The following SEC23B variants were observed in gnomAD, a reference collection of about 807,000 sequenced individuals.
The protein encoded by SEC23B is SEC23 homolog B, COPII component.
SEC23B carries 77 observed loss-of-function variants against 104.3 expected under a neutral mutation model. That is an observed-to-expected ratio of 0.74 (90% CI 0.61 to 0.89). SEC23B has a LOEUF of 0.89. SEC23B is among the 40% of genes least tolerant of loss of function. SEC23B has a pLI of 0.00. For missense variants in SEC23B, 885 were observed against 949.4 expected, an observed-to-expected ratio of 0.93 and a Z score of 0.89; for synonymous variants, 338 against 332.5, an observed-to-expected ratio of 1.02 and a Z score of -0.18.
At chr20:18,546,613 A>T (rs909734499) in intron 15 of SEC23B, among the ~76,000 whole-genome samples, 3 of 152,204 alleles carry the variant, frequency 2.0e-5, no homozygotes, top group Admixed American at 2.0e-4. Context: ...GTCTATAAGG[A>T]TTACAGGAGC....
chr20:18,515,191 T>G (rs1170000422), intron 3 of SEC23B, among the ~76,000 whole-genome samples: 1 of 152,208 alleles, frequency 6.6e-6, no homozygotes, highest in Non-Finnish European at 1.5e-5. Flanking sequence ...AAAAATATTT[T>G]TTAAGAGGAC....
At chr20:18,542,193 C>T in intron 12 of SEC23B, 103 bp from the exon 13 acceptor site, 1 of 980,432 alleles carries the variant, frequency 1.0e-6, no homozygotes, top group Non-Finnish European at 1.6e-6. Context: ...CAAGAACCTT[C>T]CTGTCATTGC....
At chr20:18,520,330 G>A (rs749153510) in intron 4 of SEC23B, among the ~76,000 whole-genome samples, 24 of 152,294 alleles carry the variant, frequency 1.6e-4, no homozygotes, top group African/African-American at 5.3e-4. Flanking sequence ...AAAGCATGCC[G>A]TGGGATGGGA....
chr20:18,510,449 C>A (rs774762604), intron 1 of SEC23B, among the ~76,000 whole-genome samples: 2 of 152,222 alleles, frequency 1.3e-5, no homozygotes, highest in Non-Finnish European at 2.9e-5. Flanking sequence ...GCAACAGGTT[C>A]TTCCCAAGTA....
intron 3 of SEC23B, among the ~76,000 whole-genome samples, chr20:18,512,564 G>T (rs1186321660): frequency 6.6e-6 from 1 of 152,174 alleles, no homozygotes; most frequent in Non-Finnish European, 1.5e-5. Context: ...GTGACCCAAA[G>T]AAAGCACCTG....
chr20:18,545,872 G>T, intron 14 of SEC23B, 84 bp from the exon 15 acceptor site: 1 of 834,156 alleles, frequency 1.2e-6, no homozygotes, highest in South Asian at 1.3e-5. Flanking sequence ...CTTAGTCCAG[G>T]AATATTTCCA....
At chr20:18,525,595 G>A (rs898537608) in intron 6 of SEC23B, among the ~76,000 whole-genome samples, 193 bp from the exon 7 acceptor site, 1 of 151,984 alleles carries the variant, frequency 6.6e-6, no homozygotes, top group Non-Finnish European at 1.5e-5. Flanking sequence ...GCTAAGTACT[G>A]GGCTTTATAT....
intron 12 of SEC23B, 52 bp from the exon 13 acceptor site, chr20:18,542,244 C>T (rs1016508895): frequency 9.5e-6 from 14 of 1,468,952 alleles, no homozygotes; most frequent in Admixed American, 1.7e-5. Flanking sequence ...GCTCTGTGAC[C>T]GTGTTTGAGT....
chr20:18,509,506 A>G (rs1279123912), intron 1 of SEC23B: 1 of 152,216 alleles, frequency 6.6e-6, no homozygotes, highest in Non-Finnish European at 1.5e-5. Flanking sequence ...AGATTTTAGG[A>G]TATGAACAGG....
intron 17 of SEC23B, among the ~76,000 whole-genome samples, chr20:18,552,896 G>A (rs1174511528): frequency 1.3e-5 from 2 of 152,144 alleles, no homozygotes; most frequent in Non-Finnish European, 2.9e-5. Flanking sequence ...ATCTAAAGAT[G>A]ATTTAAAGTG....
At chr20:18,524,862 A>G in intron 5 of SEC23B, 73 bp from the exon 6 acceptor site, 1 of 1,516,450 alleles carries the variant, frequency 6.6e-7, no homozygotes, top group Non-Finnish European at 9.1e-7. Flanking sequence ...CCAGCTGAGG[A>G]CATTTCTTAA....
At chr20:18,509,748 T>G (rs531509403) in intron 1 of SEC23B, 1 of 152,300 alleles carries the variant, frequency 6.6e-6, no homozygotes, top group Non-Finnish European at 1.5e-5. Context: ...CCACCACACC[T>G]GGCTAATTTT....
intron 17 of SEC23B, among the ~76,000 whole-genome samples, chr20:18,551,565 T>A (rs2060387073): frequency 6.6e-6 from 1 of 151,902 alleles, no homozygotes; most frequent in African/African-American, 2.4e-5. Flanking sequence ...AATACAAAAG[T>A]TAGCCAGGCG....
chr20:18,522,752 A>G (rs1036371401), intron 4 of SEC23B, among the ~76,000 whole-genome samples: 2 of 152,160 alleles, frequency 1.3e-5, no homozygotes, highest in African/African-American at 4.8e-5. Flanking sequence ...GAGGCAGCCC[A>G]GAGTAATTCT....
intron 3 of SEC23B, among the ~76,000 whole-genome samples, chr20:18,515,244 C>G (rs1223928822): frequency 6.6e-6 from 1 of 152,108 alleles, no homozygotes; most frequent in African/African-American, 2.4e-5. Flanking sequence ...GTTTTAAATG[C>G]TGATTTTTAT....
chr20:18,557,745 C>CTTTTT (rs11477198), intron 19 of SEC23B, among the ~76,000 whole-genome samples: 102 of 116,820 alleles, frequency 8.7e-4, no homozygotes, highest in Middle Eastern at 4.8e-3. Context: ...TTTTTCTTTT[C>CTTTTT]TTTTTTTTTT....
At chr20:18,548,551 GGGTGTCTAAGAA>G (rs2060355818) in intron 15 of SEC23B, 46 bp from the exon 16 acceptor site, 11 of 1,537,350 alleles carry the variant, frequency 7.2e-6, no homozygotes, top group African/African-American at 1.4e-5. Context: ...TCTACTCTGT[GGGTGTCTAAGAA>G]GGTTACAATT....
intron 15 of SEC23B, among the ~76,000 whole-genome samples, chr20:18,548,299 A>G (rs966542059): frequency 2.0e-5 from 3 of 152,258 alleles, no homozygotes; most frequent in Non-Finnish European, 4.4e-5. Flanking sequence ...TAAAACACAC[A>G]TAACAAAATT....
chr20:18,548,755 T>C lies in SEC23B; in HGVS notation c.1890T>C (p.Phe630=). ...MIQPILYSYS[F]HGPPEPVLLD... ...AGCCCATTCTCTACTCTTACTCCTTTCATGGGCCACCAGAGGTGAGGCTCT... is the reference window on the plus strand; with the variant it reads ...AGCCCATTCTCTACTCTTACTCCTTCCATGGGCCACCAGAGGTGAGGCTCT... The change falls in exon 16 of 20, where the codon TTT becomes TTC. Residue 630 remains phenylalanine, a synonymous_variant. Transcript: ENST00000650089. 1 of 1,614,172 alleles carries C rather than the reference T, an allele frequency of 6.2e-7. No individual in the cohort carries two copies. The highest frequency in any genetic ancestry group is 1.1e-5 in the South Asian group (1 of 91,086).
Sources: allele counts gnomAD v4.1 joint callset (sites outside exome capture counted in the v4.1 genomes callset), GRCh38; gene constraint gnomAD v4.1.1; transcripts MANE v1.5; gene names NCBI Gene and HGNC (gene_info 2026-07-23, HGNC 2026-07-21).